Variants in NLGN1 observed in about 807,000 individuals in gnomAD.
NLGN1 encodes neuroligin-1.
In NLGN1, 12 loss-of-function variants were observed where a neutral mutation model predicts 65.5. That is an observed-to-expected ratio of 0.18 (90% CI 0.12 to 0.30). The LOEUF is 0.30. NLGN1 is among the 10% of genes least tolerant of loss of function. The probability of loss-of-function intolerance (pLI) is 1.00; values close to 1 mark genes in which losing one functional copy is unlikely to be tolerated. For synonymous variants in NLGN1, 350 were observed against 359.5 expected (o/e 0.97, Z 0.30); for missense variants, 750 against 1,007.1 (o/e 0.74, Z 3.46).
chr3:173,802,537 AT>A (rs1428185169), intron 3 of NLGN1, among the ~76,000 whole-genome samples: 1 of 152,212 alleles, frequency 6.6e-6, no homozygotes, highest in African/African-American at 2.4e-5. Flanking sequence ...ATTTCAGAGC[AT>A]TTTTAACTCA....
intron 1 of NLGN1, among the ~76,000 whole-genome samples, chr3:173,406,011 A>G (rs896177519): frequency 5.9e-5 from 9 of 152,180 alleles, no homozygotes; most frequent in African/African-American, 1.9e-4. Flanking sequence ...AGCTTAAAAT[A>G]TATAACATGT....
chr3:174,201,340 GA>G, intron 4 of NLGN1, among the ~76,000 whole-genome samples: 1 of 132,658 alleles, frequency 7.5e-6, no homozygotes, highest in Non-Finnish European at 1.6e-5. Context: ...GGGAAGGTGG[GA>G]GGAATGAAGG....
At position 174,098,561 on chromosome 3, in the gene NLGN1, T is replaced by C. The variant is rs1345980952; in HGVS notation, c.647-176754T>C. On this transcript the variant is annotated intron_variant, in intron 4 of 6. Transcript: ENST00000457714. ...AGACATTGGATGTCTAGCAGTCTCATCTTTCTGCAGTCCTACTGAGGACTG... is the reference window on the plus strand; with the variant it reads ...AGACATTGGATGTCTAGCAGTCTCACCTTTCTGCAGTCCTACTGAGGACTG... 2.0e-5 allele frequency among the ~76,000 whole-genome samples: 3 copies of C among 152,172 alleles called. No homozygotes were observed. In the East Asian group the frequency reaches 5.8e-4, roughly 29 times the overall value.
At chr3:174,269,450 C>G (rs1456523678) in intron 4 of NLGN1, among the ~76,000 whole-genome samples, 2 of 151,698 alleles carry the variant, frequency 1.3e-5, no homozygotes. Flanking sequence ...TTTTTTGTGA[C>G]TGGCTTATTT....
intron 4 of NLGN1, among the ~76,000 whole-genome samples, chr3:174,168,793 C>A (rs1728006649): frequency 6.6e-6 from 1 of 152,146 alleles, no homozygotes; most frequent in African/African-American, 2.4e-5. Context: ...TGATGGCAGG[C>A]ATAGTATTAG....
At chr3:173,405,213 A>T (rs997133673) in intron 1 of NLGN1, among the ~76,000 whole-genome samples, 3 of 152,058 alleles carry the variant, frequency 2.0e-5, no homozygotes, top group Admixed American at 1.3e-4. Context: ...CAAGCAGCTG[A>T]TACCTTCTGA....
intron 4 of NLGN1, among the ~76,000 whole-genome samples, chr3:174,054,111 C>T (rs1179752213): frequency 1.3e-5 from 2 of 152,030 alleles, no homozygotes; most frequent in African/African-American, 4.8e-5. Flanking sequence ...AATATAGCTT[C>T]TTTGTGAACT....
At chr3:174,154,869 A>G (rs947529482) in intron 4 of NLGN1, among the ~76,000 whole-genome samples, 4 of 144,538 alleles carry the variant, frequency 2.8e-5, no homozygotes, top group Non-Finnish European at 6.0e-5. Flanking sequence ...GATATAGTAT[A>G]TATAGTAGAT....
At chr3:174,002,949 T>C (rs886264305) in intron 4 of NLGN1, among the ~76,000 whole-genome samples, 4 of 152,174 alleles carry the variant, frequency 2.6e-5, no homozygotes, top group Non-Finnish European at 5.9e-5. Context: ...CAATTGTCAA[T>C]GCTTTAGCAG....
intron 4 of NLGN1, among the ~76,000 whole-genome samples, chr3:174,035,189 T>C (rs938635846): frequency 6.6e-6 from 1 of 152,198 alleles, no homozygotes; most frequent in Admixed American, 6.5e-5. Flanking sequence ...TTTAAAGATT[T>C]AAAAATTAAT....
At chr3:173,485,334 C>G (rs997348470) in intron 2 of NLGN1, among the ~76,000 whole-genome samples, 16 of 152,160 alleles carry the variant, frequency 1.1e-4, no homozygotes, top group African/African-American at 3.1e-4. Flanking sequence ...GCCATATACA[C>G]ATAACACAGA....
chr3:173,867,090 A>T (rs1051830582), intron 4 of NLGN1, among the ~76,000 whole-genome samples: 1 of 152,174 alleles, frequency 6.6e-6, no homozygotes, highest in Non-Finnish European at 1.5e-5. Flanking sequence ...CAGCACATTA[A>T]GGATAATTTT....
chr3:174,026,781 A>AGTG (rs1728921672), intron 4 of NLGN1, among the ~76,000 whole-genome samples: 1 of 152,184 alleles, frequency 6.6e-6, no homozygotes, highest in Non-Finnish European at 1.5e-5. Flanking sequence ...CAAGCAAACA[A>AGTG]AACCACTTCT....
chr3:173,583,674 AT>A (rs777173147), intron 2 of NLGN1, among the ~76,000 whole-genome samples: 5 of 152,196 alleles, frequency 3.3e-5, no homozygotes, highest in Non-Finnish European at 5.9e-5. Context: ...AATTCCTTGC[AT>A]TGACTCTTTC....
intron 2 of NLGN1, among the ~76,000 whole-genome samples, chr3:173,544,219 C>T (rs1739371729): frequency 1.3e-5 from 2 of 150,512 alleles, no homozygotes; most frequent in Non-Finnish European, 3.0e-5. Flanking sequence ...AAAGGAAGCC[C>T]TTATTTAATT....
intron 4 of NLGN1, among the ~76,000 whole-genome samples, chr3:173,935,801 C>T (rs1347152461): frequency 6.6e-6 from 1 of 151,808 alleles, no homozygotes; most frequent in South Asian, 2.1e-4. Flanking sequence ...GTGAAAGAAA[C>T]AATGTTTAGC....
chr3:173,897,122 T>G (rs1736478324), intron 4 of NLGN1, among the ~76,000 whole-genome samples: 1 of 152,164 alleles, frequency 6.6e-6, no homozygotes, highest in South Asian at 2.1e-4. Flanking sequence ...TTCTTCAAAC[T>G]CTCTATTCCA....
At chr3:173,807,876 T>A in intron 4 of NLGN1, 44 bp downstream of exon 4, 1 of 1,571,560 alleles carries the variant, frequency 6.4e-7, no homozygotes, top group Non-Finnish European at 8.8e-7. Flanking sequence ...ATCCATGAAG[T>A]ATGTGATGGT....
At chr3:173,558,031 C>CT (rs1258605807) in intron 2 of NLGN1, among the ~76,000 whole-genome samples, 1 of 151,734 alleles carries the variant, frequency 6.6e-6, no homozygotes, top group East Asian at 1.9e-4. Flanking sequence ...AACAAATATT[C>CT]TTTTTTCCCC....
Sources: gnomAD v4.1 joint callset for allele counts (sites outside exome capture counted in the v4.1 genomes callset) on GRCh38, gnomAD v4.1.1 for gene constraint, MANE v1.5 for transcripts, NCBI Gene and HGNC (gene_info 2026-07-23, HGNC 2026-07-21) for gene names.